The following SAMSN1 variants were observed in gnomAD, a reference collection of about 807,000 sequenced individuals.
The protein encoded by SAMSN1 is SAM domain-containing protein SAMSN-1.
Under a neutral mutation model 42.0 loss-of-function variants are expected in SAMSN1, and 31 were observed. That is an observed-to-expected ratio of 0.74 (90% CI 0.55 to 1.00). The LOEUF (loss-of-function observed/expected upper bound fraction) is 1.00. Among genes scored for constraint, SAMSN1 ranks in the 50% least tolerant of loss-of-function variants. SAMSN1 has a pLI of 0.00. For synonymous variants in SAMSN1, 178 were observed against 151.9 expected, an observed-to-expected ratio of 1.17 and a Z score of -1.26; for missense variants, 464 against 439.4, an observed-to-expected ratio of 1.06 and a Z score of -0.50.
At chr21:14,655,623 A>G (rs1029628945) in intron 1 of SAMSN1, among the ~76,000 whole-genome samples, 3 of 151,820 alleles carry the variant, frequency 2.0e-5, no homozygotes, top group Admixed American at 2.0e-4. Flanking sequence ...TCAAAATCTT[A>G]GCAAATTGGG....
chr21:14,593,778 A>T (rs1208719651), intron 7 of SAMSN1: 3 of 320,712 alleles, frequency 9.4e-6, no homozygotes, highest in African/African-American at 2.1e-5. Context: ...TTTAGGGAAA[A>T]TTTTTTATAT....
Position 14,643,885 on chromosome 21 carries a change from T to C in SAMSN1, c.25-752A>G, listed in dbSNP as rs542621268. On this transcript the variant is annotated intron_variant, in intron 1 of 15. Transcript: ENST00000647101. The stretch of plus-strand genomic sequence containing the variant: ...TGGGGAAGGGAGAACACAGCCATCG[T>C]GCGGCATTGAACTTAGTGCTGTCCT... Among the ~76,000 whole-genome samples, 27 of 152,320 alleles carry C rather than the reference T, an allele frequency of 1.8e-4. No homozygotes were observed. The Middle Eastern group carries it at 0.017, about 96-fold the overall frequency.
chr21:14,493,093 A>G (rs1986762638), intron 7 of SAMSN1, among the ~76,000 whole-genome samples: 1 of 152,136 alleles, frequency 6.6e-6, no homozygotes. Context: ...GCGGCCCGCC[A>G]TTTGCCCTGC....
intron 1 of SAMSN1, among the ~76,000 whole-genome samples, chr21:14,542,153 A>G (rs184619677): frequency 6.6e-6 from 1 of 152,344 alleles, no homozygotes; most frequent in East Asian, 1.9e-4. Context: ...AAACTTACAG[A>G]CGCTCTTACA....
chr21:14,576,570 T>C (rs1981473120), intron 2 of SAMSN1, among the ~76,000 whole-genome samples: 1 of 152,226 alleles, frequency 6.6e-6, no homozygotes, highest in African/African-American at 2.4e-5. Context: ...GAAAGAATTG[T>C]AAAACCTTTT....
chr21:14,548,203 T>C (rs1347896739), upstream of SAMSN1, among the ~76,000 whole-genome samples: 1 of 152,192 alleles, frequency 6.6e-6, no homozygotes, highest in Non-Finnish European at 1.5e-5. Context: ...AGTAATAAAA[T>C]GGCAATGATA....
At chr21:14,581,600 C>T (rs945251280) in intron 2 of SAMSN1, among the ~76,000 whole-genome samples, 1 of 151,384 alleles carries the variant, frequency 6.6e-6, no homozygotes, top group Non-Finnish European at 1.5e-5. Context: ...ACCTCATGAT[C>T]CTCCCGCCTC....
At chr21:14,656,327 T>C (rs543985338) in intron 1 of SAMSN1, among the ~76,000 whole-genome samples, 45 of 151,884 alleles carry the variant, frequency 3.0e-4, no homozygotes, top group African/African-American at 1.1e-3. Flanking sequence ...TTTTAATAAG[T>C]GCTTAAAAGA....
At position 14,540,966 on chromosome 21, in the gene SAMSN1, T is replaced by A. The variant is rs369750025; in HGVS notation, c.57+5239A>T. On this transcript the variant is annotated intron_variant, in intron 1 of 7. Transcript: ENST00000400566. ...CCATGCAGCCATAAAAAATGATGAG[T>A]TCATGTCCTTTGTAGGGACATGGAT... Among the ~76,000 whole-genome samples the A allele has an allele frequency of 2.6e-5, 4 of 152,138 alleles. No homozygotes were observed. In the East Asian group the frequency reaches 7.7e-4, roughly 29 times the overall value.
At chr21:14,567,299 G>GAA (rs10714214) in intron 2 of SAMSN1, among the ~76,000 whole-genome samples, 119 of 137,884 alleles carry the variant, frequency 8.6e-4, no homozygotes, top group South Asian at 4.5e-3. Context: ...CGGCAAGCTT[G>GAA]AAAAAAAAAA....
chr21:14,499,935 G>C, intron 6 of SAMSN1, among the ~76,000 whole-genome samples: 1 of 152,282 alleles, frequency 6.6e-6, no homozygotes, highest in Non-Finnish European at 1.5e-5. Context: ...ACTAGGTGTA[G>C]TGTATGTACA....
intron 2 of SAMSN1, among the ~76,000 whole-genome samples, chr21:14,561,709 A>T (rs1200449588): frequency 2.0e-5 from 3 of 152,232 alleles, no homozygotes; most frequent in African/African-American, 7.2e-5. Flanking sequence ...TTTAGTTAAG[A>T]TGAGGTCATA....
chr21:14,536,702 C>G (rs73161243), intron 1 of SAMSN1, among the ~76,000 whole-genome samples: 7 of 151,916 alleles, frequency 4.6e-5, no homozygotes, highest in African/African-American at 1.7e-4. Flanking sequence ...AAGAAGAAGC[C>G]TTTGCAAAGT....
intron 1 of SAMSN1, among the ~76,000 whole-genome samples, chr21:14,527,208 C>T (rs1218077531): frequency 6.6e-6 from 1 of 152,202 alleles, no homozygotes; most frequent in East Asian, 1.9e-4. Context: ...TATGAATATT[C>T]TACTATAATA....
chr21:14,643,399 A>T (rs1429066351), intron 1 of SAMSN1, among the ~76,000 whole-genome samples: 3 of 152,226 alleles, frequency 2.0e-5, no homozygotes, highest in African/African-American at 7.2e-5. Context: ...GCAGGCACAC[A>T]ATGAGGGAAT....
chr21:14,612,016 C>T (rs1186889215), intron 4 of SAMSN1, among the ~76,000 whole-genome samples: 2 of 152,064 alleles, frequency 1.3e-5, no homozygotes, highest in African/African-American at 2.4e-5. Context: ...AGGCGGATCA[C>T]GAGGTCAAGA....
intron 7 of SAMSN1, chr21:14,495,619 A>T (rs1986885977): frequency 6.6e-6 from 1 of 152,178 alleles, no homozygotes; most frequent in Non-Finnish European, 1.5e-5. Flanking sequence ...TCATTAAGTA[A>T]TCAACTTCTA....
At chr21:14,528,601 G>A (rs1346410119) in intron 1 of SAMSN1, among the ~76,000 whole-genome samples, 5 of 152,188 alleles carry the variant, frequency 3.3e-5, no homozygotes, top group Admixed American at 6.5e-5. Context: ...GACACTTAAT[G>A]TAAAATGTAA....
intron 1 of SAMSN1, among the ~76,000 whole-genome samples, chr21:14,524,785 C>T (rs1978732125): frequency 6.6e-6 from 1 of 152,088 alleles, no homozygotes; most frequent in Non-Finnish European, 1.5e-5. Flanking sequence ...AAATTAAATA[C>T]ATCTTTTTAT....
Sources: allele counts gnomAD v4.1 joint callset (sites outside exome capture counted in the v4.1 genomes callset), GRCh38; gene constraint gnomAD v4.1.1; transcripts MANE v1.5; gene names NCBI Gene and HGNC (gene_info 2026-07-23, HGNC 2026-07-21).